MYLK: variants seen among roughly 807,000 people sequenced by gnomAD.
The protein encoded by MYLK is myosin light chain kinase, smooth muscle.
A neutral mutation model predicts 203.4 loss-of-function variants in MYLK; 106 were observed. The ratio of observed to expected loss-of-function variants is 0.52; its 90% CI spans 0.45 to 0.61. MYLK has a LOEUF of 0.61. Among genes scored for constraint, MYLK ranks in the 20% least tolerant of loss-of-function variants. The pLI is 0.00. For synonymous variants in MYLK, 867 were observed against 959.5 expected (o/e 0.90, Z 1.78); for missense variants, 2,072 against 2,442.3 (o/e 0.85, Z 3.20).
chr3:123,871,204 G>A (rs2032761922), intron 2 of MYLK, among the ~76,000 whole-genome samples: 1 of 152,120 alleles, frequency 6.6e-6, no homozygotes, highest in Non-Finnish European at 1.5e-5. Flanking sequence ...AACTGTCCCA[G>A]AAAAGGAGAA....
chr3:123,794,638 A>T (rs1052670200), intron 3 of MYLK, among the ~76,000 whole-genome samples: 22 of 152,172 alleles, frequency 1.4e-4, no homozygotes, highest in Non-Finnish European at 2.8e-4. Flanking sequence ...CCTGCTGGGG[A>T]CTAGATAAGA....
chr3:123,843,252 A>G (rs2066635999), intron 2 of MYLK, among the ~76,000 whole-genome samples: 1 of 152,212 alleles, frequency 6.6e-6, no homozygotes, highest in South Asian at 2.1e-4. Flanking sequence ...AATCAGACAG[A>G]TTAGGAGAAA....
intron 3 of MYLK, among the ~76,000 whole-genome samples, chr3:123,799,219 G>A (rs971564276): frequency 2.5e-5 from 3 of 120,530 alleles, no homozygotes; most frequent in Admixed American, 2.0e-4. Context: ...TTGGGCCAAC[G>A]CCCACCTCTA....
At chr3:123,857,351 T>A (rs1009443517) in intron 2 of MYLK, among the ~76,000 whole-genome samples, 6 of 151,988 alleles carry the variant, frequency 3.9e-5, no homozygotes. Context: ...TGCACACGTA[T>A]GTTTATTGCG....
rs56262958 is a variant in MYLK, at chr3:123,618,691, G to A, written c.5448C>T (p.Arg1816=). The A allele has an allele frequency of 4.4e-4, 715 of 1,614,106 alleles. 3 individuals are homozygous for A. In the East Asian group the frequency reaches 0.013, roughly 29 times the overall value. ...CACTTCCCTCCACAACTTCTAAATC[G>A]CGAATGGTCTTAGAGAAATAGGGTT... ...HVKPYFSKTI[R]DLEVVEGSAA... The change falls in exon 33 of 34, where the codon CGC becomes CGT. Residue 1816 remains arginine, a synonymous_variant. Coordinates refer to ENST00000360304, the MANE Select transcript of MYLK (RefSeq NM_053025.4).
chr3:123,759,636 T>C (rs2063471331), intron 4 of MYLK, among the ~76,000 whole-genome samples: 1 of 152,200 alleles, frequency 6.6e-6, no homozygotes, highest in Non-Finnish European at 1.5e-5. Context: ...GCCAAAGCAC[T>C]TGGTCTCAAA....
At chr3:123,867,873 C>A (rs967680524) in intron 2 of MYLK, among the ~76,000 whole-genome samples, 18 of 152,194 alleles carry the variant, frequency 1.2e-4, no homozygotes, top group Admixed American at 4.6e-4. Context: ...CCTGCCTCCC[C>A]CAACACCACT....
At chr3:123,637,177 C>G (rs1238491774) in intron 29 of MYLK, among the ~76,000 whole-genome samples, 3 of 152,180 alleles carry the variant, frequency 2.0e-5, no homozygotes, top group Non-Finnish European at 4.4e-5. Flanking sequence ...TTTGGGGACA[C>G]CATCCCATAA....
chr3:123,692,833 G>A lies in MYLK; in HGVS notation c.3467C>T (p.Ser1156Phe), dbSNP rs1347687164. Residue 1156 changes from serine (S) to phenylalanine (F), a missense_variant, in exon 19 of 34, where the codon TCC becomes TTC. This residue lies in a region of MYLK where 865 missense variants were observed against 1,016.0 expected (regional missense o/e 0.85). Transcript: ENST00000360304. The part of the protein sequence containing the change: ...LSQEGSLCSV[S>F]IEKALPEDRG... ...GTCCTCAGGCAGTGCCTTCTCGATG[G>A]AGACGGAGCAGAGTGAGCCTGGGGA... is the stretch of plus-strand genomic sequence containing the variant. 2 of 1,613,950 alleles carry A rather than the reference G, an allele frequency of 1.2e-6. No individual in the cohort carries two copies. The highest frequency in any genetic ancestry group is 1.7e-6 in the Non-Finnish European group (2 of 1,180,004).
chr3:123,618,182 T>A, intron 33 of MYLK: 1 of 204,914 alleles, frequency 4.9e-6, no homozygotes, highest in Non-Finnish European at 1.0e-5. Context: ...CTCAGGGGAG[T>A]TGGACCACCA....
At chr3:123,859,234 GC>G (rs1252047731) in intron 2 of MYLK, among the ~76,000 whole-genome samples, 1 of 152,244 alleles carries the variant, frequency 6.6e-6, no homozygotes, top group African/African-American at 2.4e-5. Flanking sequence ...TGCAGAAAAT[GC>G]CTTACAGGCA....
chr3:123,877,992 GC>G (rs2033270216), intron 1 of MYLK, among the ~76,000 whole-genome samples: 1 of 152,210 alleles, frequency 6.6e-6, no homozygotes, highest in Non-Finnish European at 1.5e-5. Flanking sequence ...AGTGGAAAGT[GC>G]CTTCTCATGG....
At chr3:123,735,541 C>T in intron 8 of MYLK, 125 bp from the exon 9 acceptor site, 1 of 1,086,246 alleles carries the variant, frequency 9.2e-7, no homozygotes. Context: ...TTCCCTGGTG[C>T]TGAACGTCTT....
At chr3:123,703,965 G>C (rs2061350786) in intron 16 of MYLK, among the ~76,000 whole-genome samples, 1 of 152,262 alleles carries the variant, frequency 6.6e-6, no homozygotes, top group African/African-American at 2.4e-5. Context: ...GGACAGCCCT[G>C]TGCCGCAAGC....
chr3:123,664,574 T>C (rs2059674107), intron 22 of MYLK, among the ~76,000 whole-genome samples: 1 of 152,288 alleles, frequency 6.6e-6, no homozygotes, highest in African/African-American at 2.4e-5. Context: ...AATGGGATGA[T>C]AGGAGAACAC....
At chr3:123,878,927 C>A (rs897696049) in intron 1 of MYLK, among the ~76,000 whole-genome samples, 4 of 152,180 alleles carry the variant, frequency 2.6e-5, no homozygotes, top group African/African-American at 9.7e-5. Context: ...CTCAGGTGAT[C>A]CACCCGCCTT....
At chr3:123,872,361 T>C (rs1229078893) in intron 2 of MYLK, among the ~76,000 whole-genome samples, 1 of 152,194 alleles carries the variant, frequency 6.6e-6, no homozygotes, top group African/African-American at 2.4e-5. Context: ...AATCTCTCTC[T>C]AGACACCAGC....
chr3:123,646,165 G>A lies in MYLK; in HGVS notation c.4619+1059C>T, dbSNP rs1168434045. 2.6e-5 allele frequency among the ~76,000 whole-genome samples: 4 copies of A among 152,094 alleles called. No homozygotes were observed. The South Asian group carries it at 6.2e-4, about 24-fold the overall frequency. On this transcript the variant is annotated intron_variant, in intron 27 of 33. Coordinates refer to ENST00000360304, the MANE Select transcript of MYLK (RefSeq NM_053025.4). ...AAACAAACCAAACTAAAAAAGCAAA[G>A]TATATGACAGTGAGTATAAGAAGTT...
At chr3:123,627,500 C>T (rs999483653) in intron 30 of MYLK, among the ~76,000 whole-genome samples, 6 of 152,158 alleles carry the variant, frequency 3.9e-5, no homozygotes, top group East Asian at 1.9e-4. Flanking sequence ...TTTAGAACTG[C>T]GCTGAAACTC....
Sources: gnomAD v4.1 joint callset for allele counts (sites outside exome capture counted in the v4.1 genomes callset) on GRCh38, gnomAD v4.1.1 for gene constraint, gnomAD v4.1.1 regional missense constraint, MANE v1.5 for transcripts, NCBI Gene and HGNC (gene_info 2026-07-23, HGNC 2026-07-21) for gene names.